PRKG2: variants seen among roughly 807,000 people sequenced by gnomAD.
The protein encoded by PRKG2 is cGMP-dependent protein kinase 2.
Under a neutral mutation model 97.2 loss-of-function variants are expected in PRKG2, and 33 were observed. The observed-to-expected ratio is 0.34, with a 90% confidence interval of 0.26 to 0.45. The LOEUF is 0.45. Among genes scored for constraint, PRKG2 ranks in the 20% least tolerant of loss-of-function variants. PRKG2 has a pLI of 1.00. For missense variants in PRKG2, 638 were observed against 900.0 expected, an observed-to-expected ratio of 0.71 and a Z score of 3.73; for synonymous variants, 330 against 321.8, an observed-to-expected ratio of 1.03 and a Z score of -0.27.
intron 17 of PRKG2, among the ~76,000 whole-genome samples, chr4:81,100,798 C>A (rs147739636): frequency 0.23 from 35,498 of 151,878 alleles, 7,513 homozygotes; most frequent in African/African-American, 0.55. Flanking sequence ...AATGGGAGAA[C>A]ATTTCTGCAA....
In PRKG2 at chr4:81,104,526, GTTAA is replaced by G. The variant is rs201062561; in HGVS notation, c.2064-98_2064-95del. On this transcript the variant is annotated intron_variant, in intron 16 of 18. Transcript: ENST00000264399. ...TTAAATTAAAACTTAACATCTATTT[GTTAA>G]TTAATTAATTCATTCATTCATTAAA... is the stretch of plus-strand genomic sequence containing the variant. 702 of 542,756 alleles carry G rather than the reference GTTAA, an allele frequency of 1.3e-3. 6 individuals carry two copies. Among genetic ancestry groups the G allele is most frequent in the African/African-American group, 0.013 (626 of 48,828 alleles). 33.6% of individuals were successfully genotyped at this position (542,756 alleles called of 1,614,324 possible).
chr4:81,130,030 G>C (rs1746012559), intron 14 of PRKG2, among the ~76,000 whole-genome samples: 1 of 152,150 alleles, frequency 6.6e-6, no homozygotes, highest in African/African-American at 2.4e-5. Context: ...AGTCCTCGTA[G>C]TGACAAAATC....
intron 14 of PRKG2, among the ~76,000 whole-genome samples, chr4:81,127,955 T>A (rs148149060): frequency 1.0e-3 from 153 of 152,344 alleles, no homozygotes; most frequent in Admixed American, 3.5e-3. Flanking sequence ...CAGTATGATA[T>A]AGGCTGTGGG....
intron 3 of PRKG2, among the ~76,000 whole-genome samples, chr4:81,172,228 T>C (rs1158578818): frequency 6.6e-6 from 1 of 152,106 alleles, no homozygotes; most frequent in Non-Finnish European, 1.5e-5. Context: ...AAATTCATTA[T>C]AACCTATGAG....
At chr4:81,163,086 G>T (rs1307386904) in intron 6 of PRKG2, among the ~76,000 whole-genome samples, 2 of 152,110 alleles carry the variant, frequency 1.3e-5, no homozygotes, top group Non-Finnish European at 2.9e-5. Flanking sequence ...CCTTCCTAGT[G>T]GTATTTTTCT....
chr4:81,092,819 T>TA (rs1741715621), intron 17 of PRKG2, among the ~76,000 whole-genome samples: 1 of 152,296 alleles, frequency 6.6e-6, no homozygotes, highest in Non-Finnish European at 1.5e-5. Context: ...TTCTTTGCCT[T>TA]ATATCCTATC....
At chr4:81,212,070 A>T (rs991064779) in intron 1 of PRKG2, among the ~76,000 whole-genome samples, 8 of 152,160 alleles carry the variant, frequency 5.3e-5, no homozygotes, top group Admixed American at 3.3e-4. Context: ...TCCTTGTGAG[A>T]AACAGCTCAC....
chr4:81,093,428 C>T (rs1741798848), intron 17 of PRKG2, among the ~76,000 whole-genome samples: 1 of 150,730 alleles, frequency 6.6e-6, no homozygotes. Flanking sequence ...TCCTTCCCTA[C>T]TTTATCTTAC....
At chr4:81,136,183 T>C (rs1746677771) in intron 13 of PRKG2, among the ~76,000 whole-genome samples, 1 of 152,202 alleles carries the variant, frequency 6.6e-6, no homozygotes, top group Non-Finnish European at 1.5e-5. Flanking sequence ...CATTCAAATC[T>C]GTCCAATGAA....
chr4:81,092,479 A>AGGAAGGAAGGAG, intron 17 of PRKG2, 27 bp from the exon 18 acceptor site: 1 of 891,366 alleles, frequency 1.1e-6, no homozygotes, highest in Non-Finnish European at 1.8e-6. Flanking sequence ...GAAGGAAGGA[A>AGGAAGGAAGGAG]GGAAGGAAGG....
chr4:81,098,712 T>C (rs1345623435), intron 17 of PRKG2, among the ~76,000 whole-genome samples: 2 of 152,152 alleles, frequency 1.3e-5, no homozygotes, highest in Non-Finnish European at 2.9e-5. Context: ...ACACACAACA[T>C]ATATCGATGA....
chr4:81,122,622 T>C (rs1745173339), intron 14 of PRKG2, among the ~76,000 whole-genome samples: 1 of 152,190 alleles, frequency 6.6e-6, no homozygotes, highest in South Asian at 2.1e-4. Flanking sequence ...TTTTTTTTCC[T>C]GGGCTTTCCC....
chr4:81,104,059 CAAAA>C (rs1031715644), intron 17 of PRKG2, among the ~76,000 whole-genome samples: 2 of 151,882 alleles, frequency 1.3e-5, no homozygotes, highest in African/African-American at 4.8e-5. Context: ...AACAAACAAA[CAAAA>C]AAACCTAAAG....
At chr4:81,170,984 C>CTTTTTA (rs772597314) in intron 4 of PRKG2, among the ~76,000 whole-genome samples, 26 of 151,836 alleles carry the variant, frequency 1.7e-4, no homozygotes, top group Admixed American at 6.6e-4. Context: ...CAGAACAAAC[C>CTTTTTA]TTTTTATTTT....
chr4:81,126,521 T>C (rs1348425032), intron 14 of PRKG2, among the ~76,000 whole-genome samples: 2 of 152,176 alleles, frequency 1.3e-5, no homozygotes, highest in African/African-American at 4.8e-5. Flanking sequence ...TATTTCTCCA[T>C]ATTCTCTCCA....
chr4:81,152,437 A>T (rs955356240), intron 7 of PRKG2, among the ~76,000 whole-genome samples: 7 of 152,204 alleles, frequency 4.6e-5, no homozygotes, highest in Non-Finnish European at 8.8e-5. Context: ...TTAATCAAAA[A>T]TAAGGTTGAG....
chr4:81,190,881 A>G (rs1752425778), intron 2 of PRKG2, among the ~76,000 whole-genome samples: 1 of 152,230 alleles, frequency 6.6e-6, no homozygotes, highest in African/African-American at 2.4e-5. Flanking sequence ...AACCACAATG[A>G]GATGCCATCT....
chr4:81,177,790 T>C (rs1751063795), intron 2 of PRKG2, among the ~76,000 whole-genome samples: 1 of 152,020 alleles, frequency 6.6e-6, no homozygotes, highest in Admixed American at 6.6e-5. Flanking sequence ...ACAAAACAAC[T>C]ATAAAAGCTG....
chr4:81,089,463 G>T lies in PRKG2; in HGVS notation c.*245C>A, dbSNP rs1578314805. The T allele has an allele frequency of 5.6e-6, 2 of 357,820 alleles. No homozygotes were observed. Among genetic ancestry groups the T allele is most frequent in the Middle Eastern group, 7.3e-4 (1 of 1,372 alleles). 22.2% of individuals were successfully genotyped at this position (357,820 alleles called of 1,614,324 possible). ...GGCTCTGATTGTGGAAAGGAAAATG[G>T]GGTAGCCTCTAGCAGTTGAGAAAAG... On this transcript the variant is annotated 3_prime_UTR_variant, in exon 19 of 19. Coordinates refer to ENST00000264399, the MANE Select transcript of PRKG2 (RefSeq NM_006259.3).
Sources: allele counts gnomAD v4.1 joint callset (sites outside exome capture counted in the v4.1 genomes callset), GRCh38; gene constraint gnomAD v4.1.1; transcripts MANE v1.5; gene names NCBI Gene and HGNC (gene_info 2026-07-23, HGNC 2026-07-21).